PPWD1: variants seen among roughly 807,000 people sequenced by gnomAD.
The protein encoded by PPWD1 is peptidylprolyl isomerase domain and WD repeat-containing protein 1.
In PPWD1, 43 loss-of-function variants were observed where a neutral mutation model predicts 68.8. The observed-to-expected ratio is 0.62, with a 90% CI of 0.49 to 0.81. PPWD1 has a LOEUF of 0.81. Ranked by LOEUF, PPWD1 falls within the 30% of genes least tolerant of loss-of-function variation. The pLI is 0.00. For missense variants in PPWD1, 672 were observed against 804.8 expected (o/e 0.83, Z 2.00); for synonymous variants, 232 against 258.7 (o/e 0.90, Z 0.99).
Position 65,587,287 on chromosome 5 carries a change from G to A in PPWD1, c.1832G>A (p.Arg611Gln), listed in dbSNP as rs1408350613. The change falls in exon 11 of 11, where the codon CGA (arginine) becomes CAA (glutamine). Residue 611 changes from arginine (R) to glutamine (Q), a missense_variant. Arg to Gln is a conservative substitution (Grantham distance 43). Transcript: ENST00000261308. ...GATAATAAGCATACAGTATTTGGAC[G>A]AGTGACTAAAGGAATGGAAGTTGTA... Reference protein sequence around the residue: ...WLDNKHTVFGRVTKGMEVVQR... With the variant: ...WLDNKHTVFGQVTKGMEVVQR... The A allele has an allele frequency of 8.7e-6, 14 of 1,611,578 alleles. No individual in the cohort carries two copies. The highest frequency in any genetic ancestry group is 8.3e-5 in the Admixed American group (5 of 59,920).
intron 6 of PPWD1, among the ~76,000 whole-genome samples, chr5:65,578,737 T>C (rs1471647933): frequency 1.2e-5 from 1 of 84,476 alleles, no homozygotes; most frequent in South Asian, 4.0e-4. Flanking sequence ...TATATATACA[T>C]ATATATATAC....
intron 5 of PPWD1, among the ~76,000 whole-genome samples, chr5:65,573,516 G>GTTTGTTTTTTTTTTTTTTTT (rs1753122949): frequency 6.5e-5 from 1 of 15,436 alleles, no homozygotes; most frequent in African/African-American, 2.3e-4. Flanking sequence ...AGTACAGATG[G>GTTTGTTTTTTTTTTTTTTTT]TTTTTTTTTT....
intron 8 of PPWD1, 107 bp downstream of exon 8, chr5:65,583,326 T>C: frequency 8.2e-7 from 1 of 1,217,044 alleles, no homozygotes; most frequent in African/African-American, 1.5e-5. Flanking sequence ...CTTAAGGAAT[T>C]TTGAAGAAAC....
chr5:65,565,872 CAT>C (rs1752729115), intron 1 of PPWD1, among the ~76,000 whole-genome samples: 1 of 144,816 alleles, frequency 6.9e-6, no homozygotes, highest in Non-Finnish European at 1.5e-5. Flanking sequence ...AACTAAAAAA[CAT>C]ACATAGAATG....
rs1044273170 is a variant in PPWD1, at chr5:65,571,804, C to A, written c.522-35C>A. On this transcript the variant is annotated intron_variant, in intron 4 of 10. Transcript: ENST00000261308. ...AGGGATGCTTGCTTGTTGTGCTGAC[C>A]TTTTTTTTTCCCTCTCAATTCTTTA... 3 of 1,583,468 alleles carry A rather than the reference C, an allele frequency of 1.9e-6. No individual in the cohort carries two copies. In the African/African-American group the frequency reaches 4.1e-5, roughly 22 times the overall value.
intron 7 of PPWD1, chr5:65,582,819 A>G: frequency 4.8e-6 from 2 of 415,374 alleles, no homozygotes; most frequent in Admixed American, 9.2e-5. Context: ...ATTTGAAATC[A>G]ATGTGTTCAG....
chr5:65,567,840 A>T, intron 2 of PPWD1: 1 of 793,316 alleles, frequency 1.3e-6, no homozygotes, highest in Non-Finnish European at 1.7e-6. Context: ...ATAAATGCCA[A>T]GAGGGGAGTG....
chr5:65,579,632 A>T lies in PPWD1; in HGVS notation c.1350+19A>T, dbSNP rs753895475. 1 of 1,445,812 alleles carries T rather than the reference A, an allele frequency of 6.9e-7. No individual in the cohort carries two copies. The highest frequency in any genetic ancestry group is 9.2e-7 in the Non-Finnish European group (1 of 1,091,706). The allele number at this position is 1,445,812 out of a possible 1,614,324, so 89.6% of individuals were successfully genotyped here. A position where few individuals can be genotyped will look rare whatever the true frequency, so the allele number is the denominator to read the frequency against. ...TTATATGGTATGTGTAAGTACTAGG[A>T]GATTAGACGGTAATGTTCCTTCCAG... On this transcript the variant is annotated intron_variant, in intron 7 of 10. Transcript: ENST00000261308.
chr5:65,573,087 C>G (rs1458577470), intron 5 of PPWD1, among the ~76,000 whole-genome samples: 1 of 152,042 alleles, frequency 6.6e-6, no homozygotes, highest in African/African-American at 2.4e-5. Flanking sequence ...GCCTTTTATT[C>G]TGCCATTTGG....
At chr5:65,563,766 T>G in intron 1 of PPWD1, 1 of 1,471,610 alleles carries the variant, frequency 6.8e-7, no homozygotes, top group Non-Finnish European at 9.2e-7. Flanking sequence ...ATTTTCCTAT[T>G]CTTATGTGTT....
At chr5:65,576,336 T>TGG in intron 5 of PPWD1, 1 of 984,554 alleles carries the variant, frequency 1.0e-6, no homozygotes, top group Non-Finnish European at 1.2e-6. Flanking sequence ...CGGGTTTTGT[T>TGG]TTAAATTAGA....
At chr5:65,570,116 C>A in intron 4 of PPWD1, 118 bp downstream of exon 4, 1 of 1,205,580 alleles carries the variant, frequency 8.3e-7, no homozygotes, top group South Asian at 2.0e-5. Context: ...ATAAAATGTG[C>A]TGTTGGGTTT....
chr5:65,583,528 T>C (rs1384324959), intron 8 of PPWD1, among the ~76,000 whole-genome samples: 1 of 152,230 alleles, frequency 6.6e-6, no homozygotes, highest in Admixed American at 6.5e-5. Flanking sequence ...ATCTGAACTC[T>C]AGGTTTTGTG....
At chr5:65,579,710 T>A in intron 7 of PPWD1, 97 bp downstream of exon 7, 1 of 845,492 alleles carries the variant, frequency 1.2e-6, no homozygotes, top group Non-Finnish European at 1.6e-6. Flanking sequence ...ATGTTGGCAC[T>A]AATAGCAGAC....
At chr5:65,563,683 G>A (rs1752455337) in intron 1 of PPWD1, 177 bp downstream of exon 1, 2 of 1,345,748 alleles carry the variant, frequency 1.5e-6, no homozygotes, top group Non-Finnish European at 1.0e-6. Context: ...TGATTTAAGC[G>A]TAGTACAACG....
chr5:65,583,167 G>GC lies in PPWD1; in HGVS notation c.1482dup (p.Ile495HisfsTer17). 1 of 1,612,136 alleles carries GC rather than the reference G, an allele frequency of 6.2e-7. No homozygotes were observed. Among genetic ancestry groups the GC allele is most frequent in the South Asian group, 1.1e-5 (1 of 90,672 alleles). ...AGGACCTAAACGAGTTTCGGACAGT[G>GC]CCATTATCCACACCAGCATGGGAGA... On this transcript the variant is annotated frameshift_variant, in exon 8 of 11. Coordinates refer to ENST00000261308, the MANE Select transcript of PPWD1 (RefSeq NM_015342.4). LOFTEE classifies it high-confidence loss of function.
chr5:65,563,349 T>TA lies in PPWD1; in HGVS notation c.40dup (p.Arg14LysfsTer31). On this transcript the variant is annotated frameshift_variant, in exon 1 of 11. Transcript: ENST00000261308. LOFTEE classifies it high-confidence loss of function. ...GTGGTAGCGATTTTCAGCAGAGACG[T>TA]AGAAGGCGCCGGGACCCGGAGGAAC... 1 of 1,613,918 alleles carries TA rather than the reference T, an allele frequency of 6.2e-7. No homozygotes were observed. Among genetic ancestry groups the TA allele is most frequent in the Admixed American group, 1.7e-5 (1 of 59,992 alleles).
intron 10 of PPWD1, among the ~76,000 whole-genome samples, 186 bp downstream of exon 10, chr5:65,586,367 A>G (rs1384631239): frequency 6.6e-6 from 1 of 152,144 alleles, no homozygotes; most frequent in Non-Finnish European, 1.5e-5. Context: ...TGGTAAAACA[A>G]TACTGCCACT....
intron 9 of PPWD1, among the ~76,000 whole-genome samples, chr5:65,585,397 C>T (rs761906076): frequency 6.6e-6 from 1 of 152,058 alleles, no homozygotes; most frequent in Non-Finnish European, 1.5e-5. Context: ...ACCTCTTTGT[C>T]GTGGCTAGAT....
Sources: gnomAD v4.1 joint callset for allele counts (sites outside exome capture counted in the v4.1 genomes callset) on GRCh38, gnomAD v4.1.1 for gene constraint, MANE v1.5 for transcripts, NCBI Gene and HGNC (gene_info 2026-07-23, HGNC 2026-07-21) for gene names.